Variants in HDAC9 observed in about 807,000 individuals in gnomAD.
The protein encoded by HDAC9 is histone deacetylase 9, also known as MEF-2 interacting transcription repressor (MITR) protein.
Under a neutral mutation model 139.4 loss-of-function variants are expected in HDAC9, and 41 were observed. The observed-to-expected ratio is 0.29, with a 90% confidence interval of 0.23 to 0.38. The LOEUF is 0.38. HDAC9 is among the 10% of genes least tolerant of loss of function. The probability of loss-of-function intolerance (pLI) is 1.00; values close to 1 mark genes in which losing one functional copy is unlikely to be tolerated. For synonymous variants in HDAC9, 517 were observed against 476.2 expected, an observed-to-expected ratio of 1.09 and a Z score of -1.12; for missense variants, 1,147 against 1,297.0, an observed-to-expected ratio of 0.88 and a Z score of 1.78.
chr7:18,468,700 C>T (rs758017461), intron 1 of HDAC9, among the ~76,000 whole-genome samples: 99 of 152,014 alleles, frequency 6.5e-4, no homozygotes, highest in Non-Finnish European at 1.3e-3. Flanking sequence ...AAGCCTGGCA[C>T]CTGGTAAAAA....
intron 1 of HDAC9, among the ~76,000 whole-genome samples, chr7:18,451,328 G>C (rs1586001620): frequency 6.6e-6 from 1 of 150,402 alleles, no homozygotes; most frequent in African/African-American, 2.4e-5. Flanking sequence ...AGATATTTTT[G>C]TTATAGCAGG....
At chr7:18,647,737 C>A in intron 9 of HDAC9, 48 bp from the exon 10 acceptor site, 2 of 1,471,558 alleles carry the variant, frequency 1.4e-6, no homozygotes, top group Middle Eastern at 1.8e-4. Context: ...GACCCAGTGA[C>A]CCACATGGAT....
intron 1 of HDAC9, among the ~76,000 whole-genome samples, chr7:18,154,165 T>A (rs1385676336): frequency 1.3e-5 from 2 of 152,218 alleles, no homozygotes; most frequent in African/African-American, 4.8e-5. Flanking sequence ...TTTTTTTCTA[T>A]TCGAATGTTT....
chr7:18,785,928 C>T (rs929715262), intron 16 of HDAC9, among the ~76,000 whole-genome samples: 2 of 151,874 alleles, frequency 1.3e-5, no homozygotes, highest in African/African-American at 2.4e-5. Context: ...TTGCACAGTG[C>T]CTGGATCTTA....
At chr7:18,149,845 C>T (rs551427577) in intron 1 of HDAC9, among the ~76,000 whole-genome samples, 9 of 152,138 alleles carry the variant, frequency 5.9e-5, no homozygotes, top group East Asian at 1.9e-4. Context: ...TAAGCCACTG[C>T]GCCCAGCCCA....
chr7:18,475,175 C>T (rs1361398679), intron 1 of HDAC9, among the ~76,000 whole-genome samples: 1 of 152,160 alleles, frequency 6.6e-6, no homozygotes, highest in Admixed American at 6.5e-5. Flanking sequence ...GATCTTTTCA[C>T]CCAGGGAATC....
chr7:18,168,879 G>GT (rs112502543), intron 2 of HDAC9, among the ~76,000 whole-genome samples: 1,745 of 80,756 alleles, frequency 0.022, 136 homozygotes, highest in South Asian at 0.033. Flanking sequence ...CAAATGTCTT[G>GT]TTTTTTTTTT....
chr7:18,648,010 T>A lies in HDAC9; in HGVS notation c.1249+12T>A, dbSNP rs143990484. On this transcript the variant is annotated intron_variant, in intron 10 of 25. Transcript: ENST00000686413. ...GCTTCTTGTAGCTGGTAATTCATTA[T>A]GGCACCATTTGCAGGTCATTTTAGG... 6.3e-5 allele frequency: 100 copies of A among 1,580,428 alleles called. No homozygotes were observed. The East Asian group carries it at 2.1e-3, about 33-fold the overall frequency.
chr7:18,797,407 A>G (rs1792894145), intron 17 of HDAC9, among the ~76,000 whole-genome samples: 1 of 152,232 alleles, frequency 6.6e-6, no homozygotes, highest in South Asian at 2.1e-4. Context: ...AAATATAATA[A>G]TAAAATAAAT....
At chr7:18,706,923 G>C (rs929920347) in intron 12 of HDAC9, among the ~76,000 whole-genome samples, 1 of 152,192 alleles carries the variant, frequency 6.6e-6, no homozygotes, top group African/African-American at 2.4e-5. Flanking sequence ...ATAAATCCAA[G>C]TGTATGGCTG....
intron 21 of HDAC9, among the ~76,000 whole-genome samples, chr7:18,845,598 A>T (rs990997831): frequency 5.3e-5 from 8 of 152,074 alleles, no homozygotes; most frequent in Non-Finnish European, 1.2e-4. Flanking sequence ...TATTTAGGAT[A>T]AGACCAAAGT....
intron 2 of HDAC9, among the ~76,000 whole-genome samples, chr7:18,560,863 G>C (rs970607506): frequency 2.0e-5 from 3 of 152,036 alleles, no homozygotes; most frequent in African/African-American, 7.2e-5. Context: ...AAAGGCAAGG[G>C]GCAAAGTCAG....
At chr7:18,227,506 G>C (rs1290949210) in intron 2 of HDAC9, among the ~76,000 whole-genome samples, 2 of 151,398 alleles carry the variant, frequency 1.3e-5, no homozygotes. Context: ...TTTTTTAGTT[G>C]CTGCCAATAT....
intron 1 of HDAC9, among the ~76,000 whole-genome samples, chr7:18,391,415 A>G (rs569566134): frequency 1.3e-5 from 2 of 152,166 alleles, no homozygotes; most frequent in South Asian, 4.2e-4. Context: ...GTAAAAAAGA[A>G]GAGAGAACAT....
At chr7:18,869,956 G>A (rs1798792993) in intron 21 of HDAC9, among the ~76,000 whole-genome samples, 1 of 151,272 alleles carries the variant, frequency 6.6e-6, no homozygotes, top group African/African-American at 2.4e-5. Flanking sequence ...TTGTTTGATA[G>A]CAATGGTCCT....
intron 25 of HDAC9, among the ~76,000 whole-genome samples, chr7:18,982,485 A>C (rs1785020903): frequency 6.6e-6 from 1 of 152,038 alleles, no homozygotes; most frequent in African/African-American, 2.4e-5. Flanking sequence ...CAATGACCTT[A>C]ATTAATTTTT....
intron 21 of HDAC9, among the ~76,000 whole-genome samples, chr7:18,842,715 C>T (rs1796663769): frequency 6.6e-6 from 1 of 152,006 alleles, no homozygotes; most frequent in African/African-American, 2.4e-5. Context: ...CATATTGTAC[C>T]AATTTTCATC....
intron 24 of HDAC9, among the ~76,000 whole-genome samples, chr7:18,961,622 C>T (rs2129328967): frequency 6.6e-6 from 1 of 152,262 alleles, no homozygotes; most frequent in East Asian, 1.9e-4. Context: ...AATACAAACC[C>T]TGTAAGATGA....
At chr7:18,644,860 T>G (rs1280892489) in intron 9 of HDAC9, 67 bp downstream of exon 9, 1 of 1,510,968 alleles carries the variant, frequency 6.6e-7, no homozygotes, top group Non-Finnish European at 8.9e-7. Flanking sequence ...GAACTCTCTT[T>G]CGTGTTTTAT....
Sources: gnomAD v4.1 joint callset for allele counts (sites outside exome capture counted in the v4.1 genomes callset) on GRCh38, gnomAD v4.1.1 for gene constraint, MANE v1.5 for transcripts, NCBI Gene and HGNC (gene_info 2026-07-23, HGNC 2026-07-21) for gene names.